Variants in RNF180 observed in about 807,000 individuals in gnomAD.
The protein encoded by RNF180 is E3 ubiquitin-protein ligase RNF180.
In RNF180, 38 loss-of-function variants were observed where a neutral mutation model predicts 59.2. That is an observed-to-expected ratio of 0.64 (90% confidence interval 0.50 to 0.84). The LOEUF (loss-of-function observed/expected upper bound fraction) is 0.84, where lower values mean the gene tolerates loss of function less well. Among genes scored for constraint, RNF180 ranks in the 40% least tolerant of loss-of-function variants. The probability of loss-of-function intolerance (pLI) is 0.00; values close to 1 mark genes in which losing one functional copy is unlikely to be tolerated. For missense variants in RNF180, 705 were observed against 700.9 expected (o/e 1.01, Z -0.07); for synonymous variants, 262 against 240.3 (o/e 1.09, Z -0.84).
intron 4 of RNF180, among the ~76,000 whole-genome samples, chr5:64,214,737 T>G (rs979463073): frequency 6.6e-6 from 1 of 152,226 alleles, no homozygotes; most frequent in African/African-American, 2.4e-5. Flanking sequence ...AAACCTCTTT[T>G]GTGCAATTTT....
At chr5:64,326,422 G>A (rs576593794) in intron 6 of RNF180, among the ~76,000 whole-genome samples, 65 of 152,184 alleles carry the variant, frequency 4.3e-4, no homozygotes, top group African/African-American at 1.5e-3. Flanking sequence ...CTCACATATT[G>A]TAAAATCTAT....
chr5:64,254,640 T>G (rs1040839877), intron 5 of RNF180, among the ~76,000 whole-genome samples: 1 of 152,150 alleles, frequency 6.6e-6, no homozygotes, highest in Admixed American at 6.6e-5. Flanking sequence ...GGACAGTCTC[T>G]TAAGATTATC....
chr5:64,325,906 G>A (rs996573144), intron 6 of RNF180, among the ~76,000 whole-genome samples: 1 of 152,074 alleles, frequency 6.6e-6, no homozygotes, highest in African/African-American at 2.4e-5. Context: ...AGTCAAATTG[G>A]AGCAAGGATT....
At chr5:64,359,530 T>C (rs1227737472) in intron 7 of RNF180, among the ~76,000 whole-genome samples, 39 of 152,070 alleles carry the variant, frequency 2.6e-4, no homozygotes, top group Admixed American at 2.6e-3. Flanking sequence ...AGATTCTGGA[T>C]ATTAGCCCTT....
chr5:64,177,069 G>A (rs1561167190), intron 1 of RNF180, among the ~76,000 whole-genome samples: 1 of 152,140 alleles, frequency 6.6e-6, no homozygotes, highest in Non-Finnish European at 1.5e-5. Context: ...CTGGTTTCAA[G>A]GTGGAATTTG....
At chr5:64,226,623 A>T (rs1345937104) in intron 5 of RNF180, among the ~76,000 whole-genome samples, 1 of 151,920 alleles carries the variant, frequency 6.6e-6, no homozygotes, top group South Asian at 2.1e-4. Flanking sequence ...ACCCTGCCAC[A>T]TCCCCCTCTC....
chr5:64,266,610 G>A (rs1417537579), intron 5 of RNF180, among the ~76,000 whole-genome samples: 6 of 152,116 alleles, frequency 3.9e-5, no homozygotes, highest in East Asian at 1.9e-4. Flanking sequence ...GTATTTCTTC[G>A]AATTGTAGGA....
At chr5:64,267,637 A>G (rs962702499) in intron 5 of RNF180, among the ~76,000 whole-genome samples, 1 of 152,100 alleles carries the variant, frequency 6.6e-6, no homozygotes, top group Non-Finnish European at 1.5e-5. Context: ...TTTACTGAGA[A>G]TGATGGTTTC....
chr5:64,327,666 T>C (rs1744709882), intron 6 of RNF180, among the ~76,000 whole-genome samples: 1 of 152,216 alleles, frequency 6.6e-6, no homozygotes. Context: ...TTTTAAAATT[T>C]TGTTATACTT....
chr5:64,350,186 A>G (rs1745738359), intron 7 of RNF180, among the ~76,000 whole-genome samples: 1 of 151,942 alleles, frequency 6.6e-6, no homozygotes, highest in Non-Finnish European at 1.5e-5. Flanking sequence ...GCATTTTTTC[A>G]TGTGTCTTTT....
At chr5:64,336,006 C>G (rs1745110892) in intron 7 of RNF180, among the ~76,000 whole-genome samples, 1 of 152,084 alleles carries the variant, frequency 6.6e-6, no homozygotes, top group African/African-American at 2.4e-5. Context: ...CATGTACTTG[C>G]TATGTTGTCC....
chr5:64,224,958 G>C (rs1741587966), intron 5 of RNF180, among the ~76,000 whole-genome samples: 1 of 152,192 alleles, frequency 6.6e-6, no homozygotes, highest in South Asian at 2.1e-4. Context: ...ACCAAATGCT[G>C]GTCCCTTGAC....
At chr5:64,261,432 G>A (rs1014887400) in intron 5 of RNF180, among the ~76,000 whole-genome samples, 2 of 152,046 alleles carry the variant, frequency 1.3e-5, no homozygotes, top group African/African-American at 4.8e-5. Context: ...CTGCGAAATT[G>A]GACTGGGTTA....
intron 1 of RNF180, among the ~76,000 whole-genome samples, chr5:64,192,940 A>ATATAT (rs1561179048): frequency 8.6e-5 from 6 of 70,024 alleles, no homozygotes; most frequent in East Asian, 1.2e-3. Context: ...TATATATATA[A>ATATAT]AATGAAACAT....
At chr5:64,211,157 G>A (rs1225533603) in intron 2 of RNF180, among the ~76,000 whole-genome samples, 1 of 152,088 alleles carries the variant, frequency 6.6e-6, no homozygotes, top group African/African-American at 2.4e-5. Context: ...TGGTATGCAG[G>A]ACCTAGAGGA....
At chr5:64,295,740 T>C (rs1742853000) in intron 5 of RNF180, among the ~76,000 whole-genome samples, 1 of 152,206 alleles carries the variant, frequency 6.6e-6, no homozygotes, top group Non-Finnish European at 1.5e-5. Context: ...TTTCTTTTAC[T>C]TACCTGAAGT....
chr5:64,227,372 C>T (rs1358273113), intron 5 of RNF180, among the ~76,000 whole-genome samples: 4 of 152,192 alleles, frequency 2.6e-5, no homozygotes, highest in Non-Finnish European at 4.4e-5. Context: ...GGGTACCGGG[C>T]ACCAGCCTGT....
intron 5 of RNF180, among the ~76,000 whole-genome samples, chr5:64,225,567 G>A (rs11739334): frequency 0.019 from 2,494 of 130,272 alleles, 22 homozygotes; most frequent in Middle Eastern, 0.059. Flanking sequence ...TGGCTGCCCC[G>A]TCTGGGAGGA....
At chr5:64,369,529 C>T in intron 7 of RNF180, 86 bp from the exon 8 acceptor site, 2 of 745,156 alleles carry the variant, frequency 2.7e-6, no homozygotes, top group Non-Finnish European at 4.0e-6. Flanking sequence ...TCAGGATATG[C>T]TTTGTTTAAC....
Sources: gnomAD v4.1 joint callset for allele counts (sites outside exome capture counted in the v4.1 genomes callset) on GRCh38, gnomAD v4.1.1 for gene constraint, MANE v1.5 for transcripts, NCBI Gene and HGNC (gene_info 2026-07-23, HGNC 2026-07-21) for gene names.